The following KIAA1217 variants were observed in gnomAD, a reference collection of about 807,000 sequenced individuals.
KIAA1217 encodes sickle tail protein homolog.
A neutral mutation model predicts 163.9 loss-of-function variants in KIAA1217; 88 were observed. The observed-to-expected ratio is 0.54, with a 90% CI of 0.45 to 0.64. The LOEUF is 0.64. Among genes scored for constraint, KIAA1217 ranks in the 30% least tolerant of loss-of-function variants. The probability of loss-of-function intolerance (pLI) is 0.00; values close to 1 mark genes in which losing one functional copy is unlikely to be tolerated. For synonymous variants in KIAA1217, 903 were observed against 923.1 expected (o/e 0.98, Z 0.39); for missense variants, 2,372 against 2,475.0 (o/e 0.96, Z 0.88).
chr10:24,415,115 T>TC (rs1400222138), intron 3 of KIAA1217, among the ~76,000 whole-genome samples: 2 of 128,780 alleles, frequency 1.6e-5, no homozygotes, highest in Non-Finnish European at 3.5e-5. Context: ...TCTCTCTTTT[T>TC]TTTTTTTTTT....
chr10:24,430,835 G>A lies in KIAA1217; in HGVS notation c.554-2160G>A, dbSNP rs150545886. 7.4e-4 allele frequency among the ~76,000 whole-genome samples: 113 copies of A among 152,306 alleles called. 3 individuals are homozygous for A. The East Asian group carries it at 0.019, about 26-fold the overall frequency. On this transcript the variant is annotated intron_variant, in intron 3 of 20. Transcript: ENST00000376454. ...TGTAAATACAGATGAAGATTCCCTC[G>A]CTCAGCCATGGCTCACTTCCTGCTA... is the stretch of plus-strand genomic sequence containing the variant.
rs58161228 is a variant in KIAA1217 at position 24,422,901 on chromosome 10, C to CTTTTTTTTTTTTTTTTTTTTTTT, written c.554-10073_554-10072insTTTTTTTTTTTTTTTTTTTTTTT. 7.5e-5 allele frequency among the ~76,000 whole-genome samples: 9 copies of CTTTTTTTTTTTTTTTTTTTTTTT among 120,608 alleles called. 1 individual carries two copies. The highest frequency in any genetic ancestry group is 1.4e-4 in the Non-Finnish European group (8 of 57,446). 79.1% of individuals were successfully genotyped at this position (120,608 alleles called of 152,430 possible). ...CTCATATTACTTCCTATAGATTTAACTTTTTTTTTTTTTTTTTTTTTGAGA... is the reference window on the plus strand; with the variant it reads ...CTCATATTACTTCCTATAGATTTAACTTTTTTTTTTTTTTTTTTTTTTTTTTTTTTTTTTTTTTTTTTTTGAGA... On this transcript the variant is annotated intron_variant, in intron 3 of 20. Coordinates refer to ENST00000376454, the MANE Select transcript of KIAA1217 (RefSeq NM_019590.5).
chr10:23,704,390 A>G (rs574458611), intron 1 of KIAA1217, among the ~76,000 whole-genome samples: 12 of 151,500 alleles, frequency 7.9e-5, no homozygotes, highest in Admixed American at 2.6e-4. Context: ...TACCACCACT[A>G]TCTAATTTTG....
At chr10:23,763,786 C>G (rs2130863062) in intron 1 of KIAA1217, among the ~76,000 whole-genome samples, 1 of 152,198 alleles carries the variant, frequency 6.6e-6, no homozygotes, top group East Asian at 1.9e-4. Context: ...CTGTATTAGT[C>G]TGTTTCATGT....
chr10:23,798,947 A>G (rs1836340697), intron 1 of KIAA1217, among the ~76,000 whole-genome samples: 1 of 152,212 alleles, frequency 6.6e-6, no homozygotes, highest in South Asian at 2.1e-4. Context: ...ATTGTCTCAC[A>G]TTTCTGGAGG....
chr10:23,981,335 A>T (rs975746327), intron 1 of KIAA1217, among the ~76,000 whole-genome samples: 1 of 152,170 alleles, frequency 6.6e-6, no homozygotes, highest in Non-Finnish European at 1.5e-5. Context: ...TTCATCTCTG[A>T]GTTACAACCA....
chr10:24,359,082 C>CTTTTTTTTTTTTTTT (rs202024336), intron 2 of KIAA1217, among the ~76,000 whole-genome samples: 24 of 81,540 alleles, frequency 2.9e-4, no homozygotes, highest in Middle Eastern at 7.4e-3. Context: ...TTCTTTCTTT[C>CTTTTTTTTTTTTTTT]TTTTTTTTTT....
intron 1 of KIAA1217, among the ~76,000 whole-genome samples, chr10:23,882,519 A>G (rs1349727861): frequency 4.0e-5 from 6 of 151,884 alleles, no homozygotes; most frequent in African/African-American, 1.4e-4. Flanking sequence ...TGATTGTTTT[A>G]TGTTGTTTGA....
intron 2 of KIAA1217, among the ~76,000 whole-genome samples, chr10:24,008,183 TAG>T (rs1847083652): frequency 6.6e-6 from 1 of 152,026 alleles, no homozygotes; most frequent in African/African-American, 2.4e-5. Context: ...GATAGATAGA[TAG>T]ATAGATAGAT....
Position 24,543,973 on chromosome 10 carries a change from G to T in KIAA1217, c.4703G>T (p.Ser1568Ile), listed in dbSNP as rs747484557. The T allele has an allele frequency of 6.2e-7, 1 of 1,614,070 alleles. No homozygotes were observed. The highest frequency in any genetic ancestry group is 8.5e-7 in the Non-Finnish European group (1 of 1,180,022). Reference protein sequence around the residue: ...GEDATDDQFESPKKKFKFKFP... With the variant: ...GEDATDDQFEIPKKKFKFKFP... Reference sequence around the variant, plus strand: ...GACGCGACCGATGACCAGTTTGAAAGCCCCAAGAAAAAGTTTAAATTCAAA... The same window carrying T: ...GACGCGACCGATGACCAGTTTGAAATCCCCAAGAAAAAGTTTAAATTCAAA... Residue 1568 changes from serine (S) to isoleucine (I), a missense_variant, in exon 19 of 21, where the codon AGC (serine) becomes ATC (isoleucine). This residue lies in a region of KIAA1217 where 690 missense variants were observed against 677.5 expected (regional missense o/e 1.02). Transcript: ENST00000376454.
chr10:23,960,371 C>G (rs1487661213), intron 1 of KIAA1217, among the ~76,000 whole-genome samples: 1 of 152,206 alleles, frequency 6.6e-6, no homozygotes, highest in Admixed American at 6.5e-5. Flanking sequence ...AATTCTCCTG[C>G]CTCAGCCTCC....
intron 1 of KIAA1217, among the ~76,000 whole-genome samples, chr10:23,796,690 T>C (rs1564429367): frequency 6.6e-6 from 1 of 152,068 alleles, no homozygotes; most frequent in Non-Finnish European, 1.5e-5. Flanking sequence ...TGTTCTTTGA[T>C]ATCCTGGAGG....
chr10:24,002,569 G>C (rs1302297438), intron 1 of KIAA1217, among the ~76,000 whole-genome samples: 1 of 152,130 alleles, frequency 6.6e-6, no homozygotes, highest in African/African-American at 2.4e-5. Context: ...CATTAAACCA[G>C]CAATCACTGG....
intron 1 of KIAA1217, among the ~76,000 whole-genome samples, chr10:23,852,024 T>C (rs1839367006): frequency 6.6e-6 from 1 of 152,198 alleles, no homozygotes; most frequent in Non-Finnish European, 1.5e-5. Context: ...TTTAATTAGA[T>C]CCCATTTGTC....
chr10:23,784,625 A>G (rs1185269158), intron 1 of KIAA1217, among the ~76,000 whole-genome samples: 1 of 152,030 alleles, frequency 6.6e-6, no homozygotes, highest in African/African-American at 2.4e-5. Flanking sequence ...TGCATTTAGT[A>G]TATGTTTTGC....
intron 2 of KIAA1217, among the ~76,000 whole-genome samples, chr10:24,258,178 C>G (rs1030265124): frequency 1.5e-4 from 9 of 61,336 alleles, no homozygotes; most frequent in Non-Finnish European, 2.7e-4. Flanking sequence ...GAGACCCTGT[C>G]CCCTCAACCT....
chr10:24,284,407 C>T (rs1390409031), intron 2 of KIAA1217, among the ~76,000 whole-genome samples: 1 of 152,086 alleles, frequency 6.6e-6, no homozygotes, highest in African/African-American at 2.4e-5. Flanking sequence ...TTTGGAGTCC[C>T]CAGTGTCTGT....
intron 1 of KIAA1217, among the ~76,000 whole-genome samples, chr10:23,855,511 A>C (rs1839607798): frequency 6.6e-6 from 1 of 151,986 alleles, no homozygotes; most frequent in African/African-American, 2.4e-5. Flanking sequence ...GCTCTTCTCG[A>C]GGAGTATCTT....
chr10:23,952,336 T>C (rs1844375976), intron 1 of KIAA1217, among the ~76,000 whole-genome samples: 1 of 152,252 alleles, frequency 6.6e-6, no homozygotes, highest in Non-Finnish European at 1.5e-5. Flanking sequence ...TCCCGTGTTC[T>C]GGACTTTGCT....
Sources: allele counts gnomAD v4.1 joint callset (sites outside exome capture counted in the v4.1 genomes callset), GRCh38; gene constraint gnomAD v4.1.1; regional missense constraint gnomAD v4.1.1; transcripts MANE v1.5; gene names NCBI Gene and HGNC (gene_info 2026-07-23, HGNC 2026-07-21).